The following SOX6 variants were observed in gnomAD, a reference collection of about 807,000 sequenced individuals.
The protein encoded by SOX6 is transcription factor SOX-6.
A neutral mutation model predicts 97.8 loss-of-function variants in SOX6; 11 were observed. The observed-to-expected ratio is 0.11, with a 90% CI of 0.07 to 0.19. The LOEUF (loss-of-function observed/expected upper bound fraction) is 0.19. Among genes scored for constraint, SOX6 ranks in the 10% least tolerant of loss-of-function variants. SOX6 has a pLI of 1.00. For missense variants in SOX6, 810 were observed against 1,039.5 expected, an observed-to-expected ratio of 0.78 and a Z score of 3.04; for synonymous variants, 360 against 371.4, an observed-to-expected ratio of 0.97 and a Z score of 0.35.
At chr11:15,986,520 G>T in intron 14 of SOX6, 100 bp from the exon 15 acceptor site, 3 of 1,147,816 alleles carry the variant, frequency 2.6e-6, no homozygotes, top group Non-Finnish European at 3.8e-6. Flanking sequence ...TCATCTGTGC[G>T]CTGGGTGGCT....
chr11:16,641,839 A>G (rs1294230214), intron 3 of SOX6, among the ~76,000 whole-genome samples: 1 of 152,300 alleles, frequency 6.6e-6, no homozygotes, highest in South Asian at 2.1e-4. Flanking sequence ...CAGCACACTG[A>G]TGGGTCTTGA....
intron 4 of SOX6, among the ~76,000 whole-genome samples, chr11:16,216,921 A>G (rs1852389719): frequency 6.6e-6 from 1 of 152,194 alleles, no homozygotes; most frequent in Non-Finnish European, 1.5e-5. Flanking sequence ...CATGGCTGAG[A>G]AATTCACAGT....
At chr11:15,974,590 T>A (rs1853416186) in intron 15 of SOX6, among the ~76,000 whole-genome samples, 1 of 139,506 alleles carries the variant, frequency 7.2e-6, no homozygotes, top group Non-Finnish European at 1.5e-5. Flanking sequence ...CCTTCCTGTG[T>A]CCATGTGATC....
At chr11:16,173,989 A>T (rs960326536) in intron 6 of SOX6, among the ~76,000 whole-genome samples, 6 of 150,192 alleles carry the variant, frequency 4.0e-5, no homozygotes, top group African/African-American at 1.5e-4. Context: ...AGGACTACAG[A>T]TGCATGCCAT....
intron 9 of SOX6, 123 bp downstream of exon 9, chr11:16,095,873 G>A: frequency 1.7e-6 from 2 of 1,165,544 alleles, no homozygotes; most frequent in Middle Eastern, 2.0e-4. Flanking sequence ...GAGAAAAAGG[G>A]AAAGATTAAG....
intron 7 of SOX6, among the ~76,000 whole-genome samples, chr11:16,107,396 TATATATATGTATATATATATAC>T (rs1564958328): frequency 7.1e-6 from 1 of 140,946 alleles, no homozygotes; most frequent in African/African-American, 2.9e-5. Flanking sequence ...CATATATATG[TATATATATGTATATATATATAC>T]ATATATATAC....
In SOX6 at chr11:16,097,786, A is replaced by G. The variant is rs1848837329; in HGVS notation, c.899-98T>C. The G allele has an allele frequency of 3.5e-6, 4 of 1,129,114 alleles. No homozygotes were observed. In the South Asian group the frequency reaches 5.0e-5, roughly 14 times the overall value. 69.9% of individuals were successfully genotyped at this position (1,129,114 alleles called of 1,614,324 possible). Reference sequence around the variant, plus strand: ...CCTTGGATTGCCTGAGCTTTACAACATTGCTCTAAGCCCAAACATCTGCAG... The same window carrying G: ...CCTTGGATTGCCTGAGCTTTACAACGTTGCTCTAAGCCCAAACATCTGCAG... On this transcript the variant is annotated intron_variant, in intron 7 of 15. Transcript: ENST00000683767.
At chr11:16,319,553 G>A (rs1045128784) in intron 2 of SOX6, among the ~76,000 whole-genome samples, 5 of 142,866 alleles carry the variant, frequency 3.5e-5, no homozygotes, top group African/African-American at 1.3e-4. Context: ...TCCCCTTCTT[G>A]TGTCCAAGTG....
chr11:16,404,311 C>G (rs1858633630), intron 1 of SOX6, among the ~76,000 whole-genome samples: 1 of 151,858 alleles, frequency 6.6e-6, no homozygotes, highest in Non-Finnish European at 1.5e-5. Context: ...CTCACTGTTG[C>G]ACACTTTCTC....
chr11:16,448,948 C>T (rs1282772794), intron 1 of SOX6, among the ~76,000 whole-genome samples: 1 of 152,140 alleles, frequency 6.6e-6, no homozygotes, highest in Non-Finnish European at 1.5e-5. Context: ...TTAAGAAACC[C>T]TTGAGCCTAG....
intron 3 of SOX6, among the ~76,000 whole-genome samples, chr11:16,262,646 A>G (rs1644901962): frequency 6.6e-6 from 1 of 152,058 alleles, no homozygotes; most frequent in African/African-American, 2.4e-5. Context: ...TTGCCAGATA[A>G]CATAGTGCTT....
intron 3 of SOX6, among the ~76,000 whole-genome samples, chr11:16,286,066 T>C (rs1854731685): frequency 6.6e-6 from 1 of 152,156 alleles, no homozygotes; most frequent in Admixed American, 6.5e-5. Context: ...CTTCTTGAAA[T>C]AAAGCAAAAT....
At chr11:16,522,482 A>G (rs1861084699) in intron 4 of SOX6, among the ~76,000 whole-genome samples, 1 of 152,212 alleles carries the variant, frequency 6.6e-6, no homozygotes, top group Admixed American at 6.5e-5. Context: ...TGAAGGAAGC[A>G]CTAAACATGG....
chr11:16,171,832 G>T (rs118071056), intron 6 of SOX6, among the ~76,000 whole-genome samples: 1 of 151,768 alleles, frequency 6.6e-6, no homozygotes. Context: ...TCAGAAAACC[G>T]TATTAAGCTC....
chr11:16,110,862 T>G (rs1849212188), intron 7 of SOX6, among the ~76,000 whole-genome samples: 1 of 152,232 alleles, frequency 6.6e-6, no homozygotes, highest in Non-Finnish European at 1.5e-5. Flanking sequence ...TTAAAACGCC[T>G]TTGTTCACTT....
intron 9 of SOX6, among the ~76,000 whole-genome samples, chr11:16,061,247 C>T (rs915393734): frequency 6.2e-5 from 9 of 145,702 alleles, no homozygotes; most frequent in African/African-American, 2.3e-4. Context: ...TTCTAGACAC[C>T]TAAAAAAATC....
intron 3 of SOX6, among the ~76,000 whole-genome samples, chr11:16,243,616 G>A (rs747346413): frequency 2.0e-5 from 3 of 151,512 alleles, no homozygotes; most frequent in Non-Finnish European, 1.5e-5. Context: ...CCACCCTCCC[G>A]AAAGAAGATA....
chr11:16,132,505 A>AAAGAAAGAGAAAGC (rs1451899878), intron 6 of SOX6, among the ~76,000 whole-genome samples: 1 of 86,152 alleles, frequency 1.2e-5, no homozygotes, highest in Non-Finnish European at 2.6e-5. Context: ...AGAAAGAAAG[A>AAAGAAAGAGAAAGC]AAGCTTATCT....
intron 2 of SOX6, among the ~76,000 whole-genome samples, chr11:16,724,230 A>G (rs187856403): frequency 1.6e-4 from 25 of 152,326 alleles, no homozygotes; most frequent in Non-Finnish European, 7.3e-5. Context: ...CATGTATACC[A>G]TATGTGAATT....
Sources: allele counts gnomAD v4.1 joint callset (sites outside exome capture counted in the v4.1 genomes callset), GRCh38; gene constraint gnomAD v4.1.1; transcripts MANE v1.5; gene names NCBI Gene and HGNC (gene_info 2026-07-23, HGNC 2026-07-21).